The following SLC9B2 variants were observed in gnomAD, a reference collection of about 807,000 sequenced individuals.
The protein encoded by SLC9B2 is sodium/hydrogen exchanger 9B2.
A neutral mutation model predicts 52.2 loss-of-function variants in SLC9B2; 39 were observed. That is an observed-to-expected ratio of 0.75 (90% CI 0.58 to 0.98). The LOEUF (loss-of-function observed/expected upper bound fraction) is 0.98, where lower values mean the gene tolerates loss of function less well. Among genes scored for constraint, SLC9B2 ranks in the 50% least tolerant of loss-of-function variants. The pLI is 0.00. For missense variants in SLC9B2, 626 were observed against 637.5 expected, an observed-to-expected ratio of 0.98 and a Z score of 0.19; for synonymous variants, 214 against 227.0, an observed-to-expected ratio of 0.94 and a Z score of 0.51.
At chr4:103,077,188 C>G (rs755599371), upstream of SLC9B2, 1 of 152,178 alleles carries the variant, frequency 6.6e-6, no homozygotes, top group Non-Finnish European at 1.5e-5. Context: ...TCTTAATCAC[C>G]GCTTTTCAAG....
chr4:103,065,180 G>GCACACACACA (rs58302558), intron 3 of SLC9B2, among the ~76,000 whole-genome samples: 128 of 145,150 alleles, frequency 8.8e-4, no homozygotes, highest in Middle Eastern at 3.5e-3. Context: ...GTACACACAC[G>GCACACACACA]CACACACACA....
intron 3 of SLC9B2, among the ~76,000 whole-genome samples, chr4:103,061,531 G>GA (rs1275358034): frequency 6.6e-6 from 1 of 152,048 alleles, no homozygotes; most frequent in Admixed American, 6.5e-5. Context: ...AGGAGGGAGG[G>GA]ATAGCAATAG....
intron 9 of SLC9B2, among the ~76,000 whole-genome samples, chr4:103,040,313 G>A (rs552959768): frequency 6.6e-6 from 1 of 152,246 alleles, no homozygotes; most frequent in Admixed American, 6.5e-5. Flanking sequence ...AAAGTAGAAG[G>A]ACTAAAAAGA....
chr4:103,048,776 C>G, intron 6 of SLC9B2, 117 bp downstream of exon 6: 1 of 1,226,954 alleles, frequency 8.2e-7, no homozygotes, highest in Non-Finnish European at 1.1e-6. Context: ...GCTGTAACAT[C>G]TATGTTGCAT....
intron 6 of SLC9B2, among the ~76,000 whole-genome samples, chr4:103,047,845 T>C (rs1288723720): frequency 6.6e-6 from 1 of 152,120 alleles, no homozygotes; most frequent in Non-Finnish European, 1.5e-5. Context: ...CAGAAAAACA[T>C]GTATGTGTAA....
In SLC9B2 at chr4:103,050,260, C is replaced by CACGA. The variant is rs770331089; in HGVS notation, c.564_565insTCGT (p.Gly189SerfsTer77). 6.3e-7 allele frequency: 1 copy of CACGA among 1,596,154 alleles called. No homozygotes were observed. The highest frequency in any genetic ancestry group is 8.5e-7 in the Non-Finnish European group (1 of 1,173,414). The stretch of plus-strand genomic sequence containing the variant: ...CATACCTTTGAATCCAGACCAAGGC[C>CACGA]AGCACGAACCAGAATGATAGACAGG... On this transcript the variant is annotated frameshift_variant, in exon 5 of 12. Transcript: ENST00000394785.
chr4:103,048,839 G>A (rs1744402439), intron 6 of SLC9B2, 54 bp downstream of exon 6: 17 of 1,591,174 alleles, frequency 1.1e-5, no homozygotes, highest in Non-Finnish European at 1.5e-5. Flanking sequence ...ATGCAATCAG[G>A]GAAAGCCCTA....
chr4:103,066,014 T>G (rs1470271493), intron 3 of SLC9B2, among the ~76,000 whole-genome samples: 1 of 152,236 alleles, frequency 6.6e-6, no homozygotes, highest in Admixed American at 6.5e-5. Flanking sequence ...TGTTTTACAG[T>G]CCTAACGTAA....
intron 10 of SLC9B2, among the ~76,000 whole-genome samples, chr4:103,031,449 G>A (rs985920941): frequency 5.3e-5 from 8 of 152,056 alleles, no homozygotes; most frequent in African/African-American, 1.9e-4. Context: ...GGTCAGCAGT[G>A]TCACTTTCAT....
At chr4:103,053,672 A>G (rs924576277) in intron 4 of SLC9B2, among the ~76,000 whole-genome samples, 8 of 151,976 alleles carry the variant, frequency 5.3e-5, no homozygotes, top group Middle Eastern at 3.2e-3. Flanking sequence ...CAATTAATTC[A>G]GAATCTCTGG....
At chr4:103,053,221 G>C (rs1476836616) in intron 4 of SLC9B2, among the ~76,000 whole-genome samples, 1 of 151,868 alleles carries the variant, frequency 6.6e-6, no homozygotes, top group Admixed American at 6.6e-5. Flanking sequence ...CTCATACTCC[G>C]ACCCTGGCAA....
At chr4:103,039,856 CA>C (rs1743488134) in intron 9 of SLC9B2, among the ~76,000 whole-genome samples, 1 of 151,872 alleles carries the variant, frequency 6.6e-6, no homozygotes, top group African/African-American at 2.4e-5. Flanking sequence ...CCATGCTGGC[CA>C]GGCTGGTCTC....
At chr4:103,031,529 T>C (rs1742699079) in intron 10 of SLC9B2, among the ~76,000 whole-genome samples, 171 bp downstream of exon 10, 1 of 152,168 alleles carries the variant, frequency 6.6e-6, no homozygotes, top group South Asian at 2.1e-4. Flanking sequence ...TCTAACCAAC[T>C]ACTCTAAAAA....
chr4:103,032,929 A>G (rs1251872610), intron 9 of SLC9B2, among the ~76,000 whole-genome samples: 1 of 152,180 alleles, frequency 6.6e-6, no homozygotes, highest in Non-Finnish European at 1.5e-5. Context: ...GGGATGATCT[A>G]TTATAGCCAT....
chr4:103,029,617 T>A (rs889402604), intron 10 of SLC9B2, among the ~76,000 whole-genome samples: 1 of 152,128 alleles, frequency 6.6e-6, no homozygotes, highest in African/African-American at 2.4e-5. Flanking sequence ...TGTAGAATTC[T>A]TTGCTGATAA....
intron 8 of SLC9B2, among the ~76,000 whole-genome samples, chr4:103,043,958 G>T (rs1364364363): frequency 6.6e-6 from 1 of 152,154 alleles, no homozygotes; most frequent in East Asian, 1.9e-4. Flanking sequence ...AAACCAGGAA[G>T]CTTTAAGAGG....
intron 4 of SLC9B2, among the ~76,000 whole-genome samples, chr4:103,053,511 G>A (rs1353283413): frequency 6.6e-6 from 1 of 152,072 alleles, no homozygotes; most frequent in African/African-American, 2.4e-5. Flanking sequence ...GGTATATTTT[G>A]TTTTTGCAAT....
chr4:103,056,648 T>C (rs1424474942), intron 4 of SLC9B2, among the ~76,000 whole-genome samples: 1 of 152,246 alleles, frequency 6.6e-6, no homozygotes, highest in Non-Finnish European at 1.5e-5. Flanking sequence ...CATTATTAAA[T>C]TTTACTGATA....
At chr4:103,053,595 T>C (rs1181784330) in intron 4 of SLC9B2, among the ~76,000 whole-genome samples, 1 of 152,222 alleles carries the variant, frequency 6.6e-6, no homozygotes, top group Admixed American at 6.5e-5. Flanking sequence ...GTCTTCAACA[T>C]AGGTTGCATA....
Sources: allele counts gnomAD v4.1 joint callset (sites outside exome capture counted in the v4.1 genomes callset), GRCh38; gene constraint gnomAD v4.1.1; transcripts MANE v1.5; gene names NCBI Gene and HGNC (gene_info 2026-07-23, HGNC 2026-07-21).